ACOX3: variants seen among roughly 807,000 people sequenced by gnomAD.
ACOX3 encodes the protein peroxisomal acyl-coenzyme A oxidase 3.
Under a neutral mutation model 81.5 loss-of-function variants are expected in ACOX3, and 73 were observed. The ratio of observed to expected loss-of-function variants is 0.90; its 90% CI spans 0.74 to 1.09. The LOEUF (loss-of-function observed/expected upper bound fraction) is 1.09, where lower values mean the gene tolerates loss of function less well. Ranked by LOEUF, ACOX3 falls within the 50% of genes least tolerant of loss-of-function variation. The pLI is 0.00. For missense variants in ACOX3, 947 were observed against 928.0 expected (o/e 1.02, Z -0.27); for synonymous variants, 387 against 375.1 (o/e 1.03, Z -0.37).
chr4:8,389,322 A>G lies in ACOX3; in HGVS notation c.1424-36T>C, dbSNP rs2242483. On this transcript the variant is annotated intron_variant, in intron 12 of 17. Transcript: ENST00000356406. The surrounding 1 kb of genome is among the most constrained non-coding windows in gnomAD (Gnocchi z 5.3). ...CATTCCAGTGACTTTGGTGGAAGAC[A>G]GGAACCCAAACCATTGGGAACCCCA... 0.22 allele frequency: 341,072 copies of G among 1,581,470 alleles called. 38,730 individuals are homozygous for G. The highest frequency in any genetic ancestry group is 0.39 in the African/African-American group (29,034 of 74,366).
At chr4:8,422,755 G>C (rs190450602) in intron 1 of ACOX3, among the ~76,000 whole-genome samples, 2 of 152,364 alleles carry the variant, frequency 1.3e-5, no homozygotes, top group African/African-American at 2.4e-5. Flanking sequence ...GTAGAAATTG[G>C]GGGAGGAGAG....
intron 1 of ACOX3, among the ~76,000 whole-genome samples, chr4:8,434,909 T>G (rs1231982299): frequency 6.6e-6 from 1 of 152,232 alleles, no homozygotes; most frequent in East Asian, 1.9e-4. Context: ...TTGGTTTTAG[T>G]TTTGATTTTC....
intron 7 of ACOX3, among the ~76,000 whole-genome samples, chr4:8,402,788 G>A (rs867647349): frequency 2.0e-5 from 3 of 152,204 alleles, no homozygotes; most frequent in East Asian, 1.9e-4. Context: ...CACGTGGCAC[G>A]GGAGGCCTGA....
chr4:8,429,132 G>A (rs1723791270), intron 1 of ACOX3, among the ~76,000 whole-genome samples: 1 of 152,118 alleles, frequency 6.6e-6, no homozygotes, highest in Non-Finnish European at 1.5e-5. Context: ...TCTGTTTGGG[G>A]AGATCCAAAC....
chr4:8,372,510 C>CA (rs1716342205), intron 16 of ACOX3, among the ~76,000 whole-genome samples: 1 of 152,210 alleles, frequency 6.6e-6, no homozygotes, highest in East Asian at 1.9e-4. Flanking sequence ...GTCAACACTG[C>CA]CCCAAGGGGG....
In ACOX3 at chr4:8,377,270, G is replaced by C. The variant is rs114372108; in HGVS notation, c.1654-2118C>G. Among the ~76,000 whole-genome samples the C allele has an allele frequency of 1.3e-3, 197 of 152,300 alleles. 1 individual carries two copies. The highest frequency in any genetic ancestry group is 4.1e-3 in the African/African-American group (169 of 41,572). ...CCCTGTGCCCCGCACCACTCTCCCC[G>C]TCGCCTGCACAGTTGCTGTGTTAGA... On this transcript the variant is annotated intron_variant, in intron 14 of 17. Coordinates refer to ENST00000356406, the MANE Select transcript of ACOX3 (RefSeq NM_003501.3).
chr4:8,399,445 G>A lies in ACOX3; in HGVS notation c.873+111C>T. On this transcript the variant is annotated intron_variant, in intron 8 of 17. Transcript: ENST00000356406. The surrounding 1 kb of genome is among the most constrained non-coding windows in gnomAD (Gnocchi z 4.9). ...GGAGAAGTATGCCCCAGCGACACCT[G>A]GCCTACGTGGAGGGGTCTCCTTTCC... is the stretch of plus-strand genomic sequence containing the variant. 1 of 917,238 alleles carries A rather than the reference G, an allele frequency of 1.1e-6. No individual in the cohort carries two copies. The highest frequency in any genetic ancestry group is 1.7e-6 in the Non-Finnish European group (1 of 589,080). The allele number at this position is 917,238 out of a possible 1,614,324, so 56.8% of individuals were successfully genotyped here.
chr4:8,386,621 G>A lies in ACOX3; in HGVS notation c.1537+2552C>T, dbSNP rs1046250349. 1.3e-5 allele frequency among the ~76,000 whole-genome samples: 2 copies of A among 151,628 alleles called. No homozygotes were observed. Among genetic ancestry groups the A allele is most frequent in the African/African-American group, 2.4e-5 (1 of 41,236 alleles). On this transcript the variant is annotated intron_variant, in intron 13 of 17. Transcript: ENST00000356406. This position sits in a 1 kb window ranked among gnomAD's most constrained non-coding sequence, Gnocchi z 5.2. ...AAACATCAGAAATAGGTCATCAAAC[G>A]TGTCCCCGTTTCCCACTGGCACCCA...
intron 1 of ACOX3, among the ~76,000 whole-genome samples, chr4:8,418,854 G>A (rs182421114): frequency 4.6e-5 from 7 of 152,100 alleles, no homozygotes; most frequent in Admixed American, 1.3e-4. Flanking sequence ...AATGAAACTC[G>A]GTCTCAAAGA....
In ACOX3 at chr4:8,384,370, C is replaced by T. The variant is rs1194435565; in HGVS notation, c.1538-2763G>A. On this transcript the variant is annotated intron_variant, in intron 13 of 17. Transcript: ENST00000356406. The surrounding 1 kb of genome is among the most constrained non-coding windows in gnomAD (Gnocchi z 5.3). ...AGGTGGGTGTTGTGTGTGTCATTTT[C>T]AGAGTTAATGTGGAAGTGAAAAAGT... Among the ~76,000 whole-genome samples, 1 of 152,208 alleles carries T rather than the reference C, an allele frequency of 6.6e-6. No homozygotes were observed. Among genetic ancestry groups the T allele is most frequent in the East Asian group, 1.9e-4 (1 of 5,198 alleles).
In ACOX3 at chr4:8,370,081, G is replaced by A. The variant is rs538335773; in HGVS notation, c.1983+827C>T. Among the ~76,000 whole-genome samples the A allele has an allele frequency of 4.6e-5, 7 of 152,358 alleles. No individual in the cohort carries two copies. The East Asian group carries it at 1.4e-3, about 29-fold the overall frequency. On this transcript the variant is annotated intron_variant, in intron 17 of 17. Transcript: ENST00000356406. This position sits in a 1 kb window ranked among gnomAD's most constrained non-coding sequence, Gnocchi z 6.3. ...CAGCACTACAGTGCCTGGGGGCACTGCCTCAGCTGGAGGCCAGAGAAGGCC... is the reference window on the plus strand; with the variant it reads ...CAGCACTACAGTGCCTGGGGGCACTACCTCAGCTGGAGGCCAGAGAAGGCC...
chr4:8,411,726 G>A (rs1403308606), intron 5 of ACOX3, among the ~76,000 whole-genome samples: 4 of 152,178 alleles, frequency 2.6e-5, no homozygotes, highest in Admixed American at 1.3e-4. Flanking sequence ...TCTCTGGAGG[G>A]CCTCCATGGT....
chr4:8,362,633 G>A (rs1308666944), downstream of ACOX3, among the ~76,000 whole-genome samples: 2 of 152,196 alleles, frequency 1.3e-5, no homozygotes, highest in South Asian at 2.1e-4. Context: ...AAGCCCCTTG[G>A]CGAAATGCCT....
chr4:8,411,259 T>G (rs777698181), intron 5 of ACOX3, among the ~76,000 whole-genome samples: 10 of 152,238 alleles, frequency 6.6e-5, no homozygotes, highest in Non-Finnish European at 1.3e-4. Context: ...CAGTCACTGC[T>G]AGGGGCTGTC....
chr4:8,438,349 A>C (rs1470257514), intron 1 of ACOX3, among the ~76,000 whole-genome samples: 1 of 152,258 alleles, frequency 6.6e-6, no homozygotes, highest in Non-Finnish European at 1.5e-5. Context: ...TGCAAAGTTC[A>C]AGAAAAAGTG....
At chr4:8,375,247 T>C in intron 14 of ACOX3, 95 bp from the exon 15 acceptor site, 8 of 1,206,426 alleles carry the variant, frequency 6.6e-6, no homozygotes, top group Non-Finnish European at 9.2e-6. Flanking sequence ...AACGCGGGTC[T>C]GCGTTCCCGT....
intron 1 of ACOX3, among the ~76,000 whole-genome samples, chr4:8,434,448 T>C (rs1171328475): frequency 6.6e-6 from 1 of 152,256 alleles, no homozygotes; most frequent in Non-Finnish European, 1.5e-5. Context: ...TTAGGCAGCT[T>C]ATGCCTGCCC....
At chr4:8,396,633 T>C (rs1719721694) in intron 9 of ACOX3, among the ~76,000 whole-genome samples, 2 of 141,330 alleles carry the variant, frequency 1.4e-5, no homozygotes, top group Admixed American at 7.5e-5. Flanking sequence ...GCCAAGATCA[T>C]GCCCACTGCA....
chr4:8,374,725 G>C (rs554982357), intron 15 of ACOX3: 46 of 388,126 alleles, frequency 1.2e-4, no homozygotes, highest in African/African-American at 7.7e-4. Context: ...TGGCATGAGG[G>C]GGCCTTCTGG....
Sources: gnomAD v4.1 joint callset for allele counts (sites outside exome capture counted in the v4.1 genomes callset) on GRCh38, gnomAD v4.1.1 for gene constraint, Gnocchi (gnomAD v3.1) non-coding constraint, MANE v1.5 for transcripts, NCBI Gene and HGNC (gene_info 2026-07-23, HGNC 2026-07-21) for gene names.